Variants in DMRTC1 observed in about 807,000 individuals in gnomAD.
DMRTC1 encodes the protein doublesex- and mab-3-related transcription factor C1.
For synonymous variants in DMRTC1, 7 were observed against 14.1 expected (o/e 0.50, Z 1.13); for missense variants, 9 against 34.6 (o/e 0.26, Z 1.86).
At chrX:72,905,796 G>T (rs1300790377) in intron 1 of DMRTC1, among the ~76,000 whole-genome samples, 1 of 95,460 alleles carries the variant, frequency 1.0e-5, no homozygotes, top group Non-Finnish European at 2.0e-5. Flanking sequence ...CACGGCGCCT[G>T]GACTAAATTT....
intron 1 of DMRTC1, among the ~76,000 whole-genome samples, chrX:72,881,920 T>C (rs6647046): frequency 0.12 from 13,390 of 113,545 alleles, 581 homozygotes; most frequent in Non-Finnish European, 0.14. Context: ...TTATCGGTGA[T>C]GCTGTTTGTA....
At chrX:72,879,797 C>T (rs1189483690) in intron 1 of DMRTC1, among the ~76,000 whole-genome samples, 1 of 104,119 alleles carries the variant, frequency 9.6e-6, no homozygotes, top group African/African-American at 3.5e-5. Flanking sequence ...CTTTCTCCTT[C>T]CTTCCTTCCT....
intron 1 of DMRTC1, among the ~76,000 whole-genome samples, chrX:72,877,047 T>TA (rs1213771492): frequency 1.8e-5 from 2 of 110,448 alleles, no homozygotes; most frequent in Non-Finnish European, 3.8e-5. Flanking sequence ...TTTTGTATTT[T>TA]TTTTTTTTTT....
chrX:72,912,985 C>T (rs6647382), intron 1 of DMRTC1: 28,196 of 454,189 alleles, frequency 0.062, 24 homozygotes, highest in Middle Eastern at 0.083. Flanking sequence ...TATCTGACAC[C>T]GCGGAGGACC....
chrX:72,939,713 A>ATT (rs1556357983), intron 1 of DMRTC1, among the ~76,000 whole-genome samples: 1,215 of 84,499 alleles, frequency 0.014, 1 homozygote, highest in African/African-American at 0.052. Flanking sequence ...GCTGAGTCCC[A>ATT]CGGGTGCTCC....
chrX:72,881,870 T>G (rs2054864310), intron 1 of DMRTC1, among the ~76,000 whole-genome samples: 1 of 110,823 alleles, frequency 9.0e-6, no homozygotes, highest in Admixed American at 9.6e-5. Context: ...GCAGTTCACA[T>G]TATGTCACAT....
intron 1 of DMRTC1, among the ~76,000 whole-genome samples, chrX:72,881,917 T>C (rs782603883): frequency 1.8e-4 from 21 of 114,162 alleles, no homozygotes; most frequent in Non-Finnish European, 3.5e-4. Context: ...TAGTTATCGG[T>C]GATGCTGTTT....
intron 3 of DMRTC1, 127 bp from the exon 4 acceptor site, chrX:72,875,085 G>T: frequency 1.5e-5 from 1 of 66,456 alleles, no homozygotes; most frequent in Non-Finnish European, 2.1e-5. Flanking sequence ...TTGAAGACCA[G>T]CCAGTCTTGC....
chrX:72,916,526 C>T, intron 1 of DMRTC1, among the ~76,000 whole-genome samples: 1 of 93,869 alleles, frequency 1.1e-5, no homozygotes, highest in Non-Finnish European at 2.0e-5. Context: ...CCAATCTCCT[C>T]CCACACTGCA....
Position 72,881,421 on chromosome X carries a change from A to C in DMRTC1, c.-94-5633T>G, listed in dbSNP as rs1158207664. Among the ~76,000 whole-genome samples the C allele has an allele frequency of 1.1e-3, 20 of 17,403 alleles. 5 individuals are homozygous for C. The highest frequency in any genetic ancestry group is 2.4e-3 in the African/African-American group (20 of 8,340). 15.1% of individuals were successfully genotyped at this position (17,403 alleles called of 115,157 possible). On this transcript the variant is annotated intron_variant, in intron 1 of 6. Coordinates refer to ENST00000615063, the MANE Select transcript of DMRTC1 (RefSeq NM_033053.3). Reference sequence around the variant, plus strand: ...TCAGTAATTTTTTTCTTGCCTAACCACGTAGCAGTTCCAAACACTTCACCC... The same window carrying C: ...TCAGTAATTTTTTTCTTGCCTAACCCCGTAGCAGTTCCAAACACTTCACCC...
intron 4 of DMRTC1, 91 bp downstream of exon 4, chrX:72,874,734 C>CTCCTCT (rs2054793814): frequency 3.4e-6 from 1 of 291,252 alleles, no homozygotes; most frequent in African/African-American, 3.5e-5. Flanking sequence ...CCTCCTCCTC[C>CTCCTCT]TCCCCCTCTT....
At chrX:72,906,186 TA>T (rs782065738) in intron 1 of DMRTC1, among the ~76,000 whole-genome samples, 2,092 of 47,523 alleles carry the variant, frequency 0.044, 2 homozygotes, top group East Asian at 0.42. Flanking sequence ...CCTGCATCAT[TA>T]AAAAAAACAG....
At chrX:72,873,012 C>G (rs1188248490) in intron 6 of DMRTC1, among the ~76,000 whole-genome samples, 1 of 14,667 alleles carries the variant, frequency 6.8e-5, no homozygotes, top group Non-Finnish European at 1.1e-4. Context: ...GTTTATCCCC[C>G]CTCGGAGCTC....
chrX:72,916,449 A>G (rs1748274519), intron 1 of DMRTC1, among the ~76,000 whole-genome samples: 2 of 104,605 alleles, frequency 1.9e-5, no homozygotes, highest in African/African-American at 8.2e-5. Flanking sequence ...CAGCAAAGCT[A>G]AAACATTCAT....
rs1378058437 is a variant in DMRTC1, at chrX:72,913,139, C to T, written c.-95+30436G>A. 1.3e-4 allele frequency: 67 copies of T among 518,082 alleles called. 8 individuals are homozygous for T. The African/African-American group carries it at 1.7e-3, about 13-fold the overall frequency. 42.7% of individuals were successfully genotyped at this position (518,082 alleles called of 1,213,427 possible). On this transcript the variant is annotated intron_variant, in intron 1 of 6. Coordinates refer to ENST00000615063, the MANE Select transcript of DMRTC1 (RefSeq NM_033053.3). ...CCAGCCTCTGCCTGTCTCACTGGCT[C>T]GCCACCAAGCCCATCCGCCTCCCCT... is the stretch of plus-strand genomic sequence containing the variant.
At chrX:72,879,147 GTTTTT>G (rs781972795) in intron 1 of DMRTC1, among the ~76,000 whole-genome samples, 651 of 12,592 alleles carry the variant, frequency 0.052, 9 homozygotes, top group East Asian at 0.15. Flanking sequence ...TTTTTTGTTT[GTTTTT>G]TTTTTTTTTT....
chrX:72,913,282 CA>C, intron 1 of DMRTC1: 1 of 857,803 alleles, frequency 1.2e-6, no homozygotes, highest in Non-Finnish European at 1.7e-6. Context: ...AATCTGAGAC[CA>C]CCGGAGCCAC....
chrX:72,879,681 T>TA (rs1409589151), intron 1 of DMRTC1, among the ~76,000 whole-genome samples: 6 of 112,317 alleles, frequency 5.3e-5, no homozygotes, highest in South Asian at 3.6e-4. Context: ...TCCAAAAGGT[T>TA]AAAAAATCAT....
intron 1 of DMRTC1, among the ~76,000 whole-genome samples, chrX:72,879,356 TTTCCC>T (rs202023303): frequency 0.26 from 4,201 of 16,168 alleles, 235 homozygotes; most frequent in East Asian, 0.56. Context: ...TTTGCTTTCC[TTTCCC>T]TTCCCTTCCC....
Sources: gnomAD v4.1 joint callset for allele counts (sites outside exome capture counted in the v4.1 genomes callset) on GRCh38, gnomAD v4.1.1 for gene constraint, MANE v1.5 for transcripts, NCBI Gene and HGNC (gene_info 2026-07-23, HGNC 2026-07-21) for gene names.